Variants in FOXN2 observed in about 807,000 individuals in gnomAD.
FOXN2 encodes forkhead box protein N2.
FOXN2 carries 19 observed loss-of-function variants against 41.2 expected under a neutral mutation model. The ratio of observed to expected loss-of-function variants is 0.46; its 90% CI spans 0.32 to 0.68. The LOEUF (loss-of-function observed/expected upper bound fraction) is 0.68, where lower values mean the gene tolerates loss of function less well. Ranked by LOEUF, FOXN2 falls within the 30% of genes least tolerant of loss-of-function variation. The pLI is 0.03. For missense variants in FOXN2, 587 were observed against 509.4 expected, an observed-to-expected ratio of 1.15 and a Z score of -1.47; for synonymous variants, 195 against 176.8, an observed-to-expected ratio of 1.10 and a Z score of -0.82.
chr2:48,361,269 C>G (rs1255029020), intron 4 of FOXN2, among the ~76,000 whole-genome samples: 1 of 151,968 alleles, frequency 6.6e-6, no homozygotes, highest in Non-Finnish European at 1.5e-5. Flanking sequence ...GAGTTTGAGA[C>G]TAGCCTGGCC....
chr2:48,359,218 G>A (rs1050611336), intron 4 of FOXN2, 71 bp downstream of exon 4: 1 of 1,018,384 alleles, frequency 9.8e-7, no homozygotes, highest in African/African-American at 1.6e-5. Context: ...GAAACTTAAA[G>A]GTCCAGGGTA....
chr2:48,358,993 C>G, intron 3 of FOXN2, 54 bp from the exon 4 acceptor site: 1 of 1,326,130 alleles, frequency 7.5e-7, no homozygotes, highest in Non-Finnish European at 1.1e-6. Flanking sequence ...AACATTTAGA[C>G]GCTGACTGTT....
chr2:48,352,962 C>T (rs1408548813), intron 3 of FOXN2, among the ~76,000 whole-genome samples: 10 of 152,074 alleles, frequency 6.6e-5, no homozygotes, highest in African/African-American at 2.4e-4. Context: ...ATAACATTGG[C>T]CTTAGTTCAG....
rs1673335485 is a variant in FOXN2 at position 48,377,658 on chromosome 2, A to C, written c.*2215A>C. The C allele has an allele frequency of 6.6e-6, 1 of 152,080 alleles. No individual in the cohort carries two copies. 9.4% of individuals were successfully genotyped at this position (152,080 alleles called of 1,614,324 possible). ...CCACGAATTTAAATGTTTAAGTTATATTCATCACTAGCAAGGATGATAAAC... is the reference window on the plus strand; with the variant it reads ...CCACGAATTTAAATGTTTAAGTTATCTTCATCACTAGCAAGGATGATAAAC... On this transcript the variant is annotated 3_prime_UTR_variant, in exon 7 of 7. Coordinates refer to ENST00000340553, the MANE Select transcript of FOXN2 (RefSeq NM_002158.4).
intron 1 of FOXN2, among the ~76,000 whole-genome samples, chr2:48,316,394 T>G (rs1315462427): frequency 6.6e-6 from 1 of 152,232 alleles, no homozygotes; most frequent in Non-Finnish European, 1.5e-5. Flanking sequence ...TGAGAGATTC[T>G]AATGCAATCA....
At chr2:48,336,169 C>T (rs1308206492) in intron 2 of FOXN2, among the ~76,000 whole-genome samples, 4 of 151,720 alleles carry the variant, frequency 2.6e-5, no homozygotes, top group Non-Finnish European at 4.4e-5. Context: ...TTTGGGAGGC[C>T]GAGGTGGGCA....
chr2:48,348,372 T>C (rs1671246088), intron 3 of FOXN2, among the ~76,000 whole-genome samples: 1 of 152,188 alleles, frequency 6.6e-6, no homozygotes, highest in Non-Finnish European at 1.5e-5. Context: ...ATGTTTTCAT[T>C]TTCCTTTTAA....
At chr2:48,347,881 T>C (rs1248619165) in intron 3 of FOXN2, among the ~76,000 whole-genome samples, 1 of 152,194 alleles carries the variant, frequency 6.6e-6, no homozygotes, top group East Asian at 1.9e-4. Context: ...TTAAAGATGA[T>C]TTATTGTCTT....
intron 2 of FOXN2, among the ~76,000 whole-genome samples, chr2:48,338,836 G>A (rs573400975): frequency 1.3e-5 from 2 of 152,196 alleles, no homozygotes; most frequent in African/African-American, 4.8e-5. Flanking sequence ...ACAAACTGTA[G>A]ACCATAAAGA....
intron 6 of FOXN2, among the ~76,000 whole-genome samples, chr2:48,373,572 C>A (rs1044417382): frequency 2.0e-5 from 3 of 151,278 alleles, no homozygotes; most frequent in African/African-American, 7.3e-5. Flanking sequence ...TTACATTGAC[C>A]AAGAAATGAA....
chr2:48,356,352 A>G (rs180985901), intron 3 of FOXN2, among the ~76,000 whole-genome samples: 1 of 151,680 alleles, frequency 6.6e-6, no homozygotes, highest in East Asian at 2.0e-4. Flanking sequence ...GAGGCAAGGG[A>G]ATCGTCCGAA....
chr2:48,355,603 A>G (rs1034127367), intron 3 of FOXN2, among the ~76,000 whole-genome samples: 1 of 152,132 alleles, frequency 6.6e-6, no homozygotes, highest in Admixed American at 6.5e-5. Context: ...TGACAGAATG[A>G]CAGTATTTTT....
chr2:48,341,719 G>T (rs1670785815), intron 2 of FOXN2, among the ~76,000 whole-genome samples: 1 of 152,194 alleles, frequency 6.6e-6, no homozygotes, highest in African/African-American at 2.4e-5. Flanking sequence ...AATGAGAATT[G>T]TGTACCGTAC....
At chr2:48,351,187 C>G (rs1671423968) in intron 3 of FOXN2, among the ~76,000 whole-genome samples, 1 of 152,058 alleles carries the variant, frequency 6.6e-6, no homozygotes, top group African/African-American at 2.4e-5. Context: ...GTCTCTAACT[C>G]CTGGGCTCAA....
At chr2:48,354,656 G>GTT (rs1671671160) in intron 3 of FOXN2, among the ~76,000 whole-genome samples, 1 of 152,216 alleles carries the variant, frequency 6.6e-6, no homozygotes, top group South Asian at 2.1e-4. Context: ...GGGACAGGCT[G>GTT]TTTAGCTTTT....
chr2:48,330,129 A>G (rs996084047), intron 2 of FOXN2, among the ~76,000 whole-genome samples: 1 of 152,236 alleles, frequency 6.6e-6, no homozygotes, highest in South Asian at 2.1e-4. Flanking sequence ...AAATATTAGT[A>G]TCTATAAACT....
Position 48,359,122 on chromosome 2 carries a change from C to G in FOXN2, c.613C>G (p.Pro205Ala). Residue 205 changes from proline to alanine, a missense_variant, in exon 4 of 7, where the codon CCT becomes GCT. Transcript: ENST00000340553. ...PNLIQALKKQPFSSASSQNGS... is the reference protein window; with the variant it reads ...PNLIQALKKQAFSSASSQNGS... ...TCTTATCCAGGCACTGAAGAAGCAA[C>G]CTTTTTCTTCAGCATCTTCACAAAA... is the stretch of plus-strand genomic sequence containing the variant. 8.7e-6 allele frequency: 14 copies of G among 1,613,374 alleles called. No homozygotes were observed. Among genetic ancestry groups the G allele is most frequent in the Non-Finnish European group, 1.2e-5 (14 of 1,179,514 alleles).
rs117525875 is a variant in FOXN2 at position 48,346,060 on chromosome 2, T to C, written c.-14-141T>C. Reference sequence around the variant, plus strand: ...ATTATAACCATTAGTATCTTCATTATACAAATGTTGTGCTTAAATATTATG... The same window carrying C: ...ATTATAACCATTAGTATCTTCATTACACAAATGTTGTGCTTAAATATTATG... On this transcript the variant is annotated intron_variant, in intron 2 of 6. Transcript: ENST00000340553. 41 of 669,382 alleles carry C rather than the reference T, an allele frequency of 6.1e-5. No individual in the cohort carries two copies. The East Asian group carries it at 1.0e-3, about 17-fold the overall frequency. 41.5% of individuals were successfully genotyped at this position (669,382 alleles called of 1,614,324 possible). A position where few individuals can be genotyped will look rare whatever the true frequency, so the allele number is the denominator to read the frequency against.
intron 3 of FOXN2, among the ~76,000 whole-genome samples, chr2:48,351,990 G>C (rs1473874136): frequency 1.3e-5 from 2 of 152,098 alleles, no homozygotes; most frequent in African/African-American, 2.4e-5. Flanking sequence ...ACGAGAGCAG[G>C]GTGGAAAAGC....
Sources: allele counts gnomAD v4.1 joint callset (sites outside exome capture counted in the v4.1 genomes callset), GRCh38; gene constraint gnomAD v4.1.1; transcripts MANE v1.5; gene names NCBI Gene and HGNC (gene_info 2026-07-23, HGNC 2026-07-21).